The following FAM53B variants were observed in gnomAD, a reference collection of about 807,000 sequenced individuals.
FAM53B encodes the protein family with sequence similarity 53 member B.
Under a neutral mutation model 32.7 loss-of-function variants are expected in FAM53B, and 12 were observed. That is an observed-to-expected ratio of 0.37 (90% CI 0.24 to 0.59). The LOEUF is 0.59. Ranked by LOEUF, FAM53B falls within the 20% of genes least tolerant of loss-of-function variation. FAM53B has a pLI of 0.72. For synonymous variants in FAM53B, 234 were observed against 228.7 expected, an observed-to-expected ratio of 1.02 and a Z score of -0.21; for missense variants, 477 against 577.7, an observed-to-expected ratio of 0.83 and a Z score of 1.79.
intron 4 of FAM53B, among the ~76,000 whole-genome samples, chr10:124,639,762 G>A (rs1949458557): frequency 6.6e-6 from 1 of 152,074 alleles, no homozygotes. Flanking sequence ...ATCCCAGAGT[G>A]CCTAGCTGCG....
At chr10:124,736,945 T>G (rs894039514) in intron 1 of FAM53B, among the ~76,000 whole-genome samples, 2 of 152,160 alleles carry the variant, frequency 1.3e-5, no homozygotes, top group African/African-American at 4.8e-5. Context: ...GAGCACTGGA[T>G]GGAAAAGCAG....
intron 4 of FAM53B, among the ~76,000 whole-genome samples, chr10:124,640,910 C>T (rs1949466869): frequency 6.6e-6 from 1 of 152,230 alleles, no homozygotes; most frequent in Admixed American, 6.5e-5. Flanking sequence ...GCAGAGGGCA[C>T]GCCCCGCTGA....
At chr10:124,727,237 C>G (rs1950110308) in intron 1 of FAM53B, among the ~76,000 whole-genome samples, 1 of 150,156 alleles carries the variant, frequency 6.7e-6, no homozygotes, top group Middle Eastern at 3.2e-3. Context: ...AGGCTGGTCT[C>G]AAACTCCTGG....
intron 4 of FAM53B, chr10:124,671,291 C>T (rs1443717573): frequency 4.7e-6 from 2 of 429,418 alleles, no homozygotes; most frequent in Non-Finnish European, 9.8e-6. Flanking sequence ...AGGTCTTGCC[C>T]CAGCCCTGTG....
rs137923728 is a variant in FAM53B at position 124,700,471 on chromosome 10, A to G, written c.79-4259T>C. On this transcript the variant is annotated intron_variant, in intron 2 of 4. Coordinates refer to ENST00000337318, the MANE Select transcript of FAM53B (RefSeq NM_014661.4). ...CCCTAGCTGAGGTCTGCAGTGAAAT[A>G]AGACCAGAGCACATTTCCCCTTTGT... Among the ~76,000 whole-genome samples, 6 of 152,296 alleles carry G rather than the reference A, an allele frequency of 3.9e-5. No homozygotes were observed. The East Asian group carries it at 1.2e-3, about 29-fold the overall frequency.
chr10:124,639,964 G>A (rs1330032165), intron 4 of FAM53B, among the ~76,000 whole-genome samples: 2 of 151,284 alleles, frequency 1.3e-5, no homozygotes, highest in African/African-American at 2.4e-5. Context: ...AGATCTGTCT[G>A]TTCAAAGCCT....
intron 1 of FAM53B, among the ~76,000 whole-genome samples, chr10:124,724,530 G>A (rs1950090394): frequency 6.6e-6 from 1 of 152,194 alleles, no homozygotes; most frequent in Admixed American, 6.5e-5. Flanking sequence ...TGAATAGCAG[G>A]CAAACAAGCT....
chr10:124,636,415 G>A (rs756247578), intron 4 of FAM53B, among the ~76,000 whole-genome samples: 8 of 152,198 alleles, frequency 5.3e-5, no homozygotes, highest in Non-Finnish European at 1.0e-4. Flanking sequence ...GCAAACATCA[G>A]GAGGGGCCGA....
At chr10:124,641,825 G>A (rs1256824047) in intron 4 of FAM53B, among the ~76,000 whole-genome samples, 2 of 152,176 alleles carry the variant, frequency 1.3e-5, no homozygotes, top group Non-Finnish European at 1.5e-5. Flanking sequence ...CAGGTCCCAT[G>A]AACTAGATCC....
Position 124,719,030 on chromosome 10 carries a change from C to T in FAM53B, c.-174-12143G>A, listed in dbSNP as rs1461720424. ...ACAGCTTAAGTGACAGAGAAAGATC[C>T]TGTCTCACAAAAAAAATAAAAAAAA... On this transcript the variant is annotated intron_variant, in intron 1 of 4. Coordinates refer to ENST00000337318, the MANE Select transcript of FAM53B (RefSeq NM_014661.4). Among the ~76,000 whole-genome samples the T allele has an allele frequency of 2.2e-5, 3 of 135,164 alleles. No homozygotes were observed. In the East Asian group the frequency reaches 6.5e-4, roughly 29 times the overall value. 88.7% of individuals were successfully genotyped at this position (135,164 alleles called of 152,430 possible). A position where few individuals can be genotyped will look rare whatever the true frequency, so the allele number is the denominator to read the frequency against.
chr10:124,687,844 T>G (rs1457303069), intron 3 of FAM53B, among the ~76,000 whole-genome samples: 2 of 152,216 alleles, frequency 1.3e-5, no homozygotes, highest in Admixed American at 6.5e-5. Context: ...CATGGAGAAC[T>G]GAGTTCTCAA....
chr10:124,670,426 C>T (rs945051272), intron 4 of FAM53B, among the ~76,000 whole-genome samples: 1 of 152,150 alleles, frequency 6.6e-6, no homozygotes, highest in Non-Finnish European at 1.5e-5. Flanking sequence ...TCCAACCCTG[C>T]GCTCCAGGCA....
chr10:124,653,364 C>T (rs1949567480), intron 4 of FAM53B, among the ~76,000 whole-genome samples: 1 of 152,202 alleles, frequency 6.6e-6, no homozygotes, highest in Non-Finnish European at 1.5e-5. Flanking sequence ...AAAGCAGGGG[C>T]TTGCCAGAAG....
At chr10:124,688,194 G>A (rs1441855952) in intron 3 of FAM53B, among the ~76,000 whole-genome samples, 4 of 152,010 alleles carry the variant, frequency 2.6e-5, no homozygotes, top group African/African-American at 9.7e-5. Flanking sequence ...AACACGCAAG[G>A]GCCCATCAGC....
chr10:124,697,295 T>C (rs1038602454), intron 2 of FAM53B, among the ~76,000 whole-genome samples: 6 of 152,154 alleles, frequency 3.9e-5, no homozygotes, highest in Non-Finnish European at 7.4e-5. Flanking sequence ...CTCTGACTTC[T>C]AAAAGGAACC....
chr10:124,630,353 G>T (rs1949382451), intron 4 of FAM53B, among the ~76,000 whole-genome samples: 1 of 152,226 alleles, frequency 6.6e-6, no homozygotes, highest in African/African-American at 2.4e-5. Flanking sequence ...GGCAGAGGTC[G>T]CAGTGAGCCG....
chr10:124,659,902 G>C (rs1460644532), intron 4 of FAM53B, among the ~76,000 whole-genome samples: 1 of 152,244 alleles, frequency 6.6e-6, no homozygotes, highest in East Asian at 1.9e-4. Flanking sequence ...TGCCTCCCGA[G>C]TTCAAGCAAT....
chr10:124,734,854 G>A (rs941856816), intron 1 of FAM53B, among the ~76,000 whole-genome samples: 3 of 152,212 alleles, frequency 2.0e-5, no homozygotes, highest in Admixed American at 1.3e-4. Flanking sequence ...GGGAATAGGC[G>A]TGTCAGGAGT....
At chr10:124,633,992 C>A (rs1157866014) in intron 4 of FAM53B, among the ~76,000 whole-genome samples, 2 of 152,176 alleles carry the variant, frequency 1.3e-5, no homozygotes, top group African/African-American at 4.8e-5. Flanking sequence ...ACAGTCGTTG[C>A]GGAGAACAGT....
Sources: gnomAD v4.1 joint callset for allele counts (sites outside exome capture counted in the v4.1 genomes callset) on GRCh38, gnomAD v4.1.1 for gene constraint, MANE v1.5 for transcripts, NCBI Gene and HGNC (gene_info 2026-07-23, HGNC 2026-07-21) for gene names.